Variants in RPH3AL observed in about 807,000 individuals in gnomAD.
RPH3AL encodes the protein rab effector Noc2.
RPH3AL carries 38 observed loss-of-function variants against 43.1 expected under a neutral mutation model. The ratio of observed to expected loss-of-function variants is 0.88; its 90% CI spans 0.68 to 1.15. The LOEUF (loss-of-function observed/expected upper bound fraction) is 1.15, where lower values mean the gene tolerates loss of function less well. RPH3AL is among the 50% of genes most tolerant of loss of function. RPH3AL has a pLI of 0.00. For missense variants in RPH3AL, 462 were observed against 423.2 expected, an observed-to-expected ratio of 1.09 and a Z score of -0.81; for synonymous variants, 189 against 176.3, an observed-to-expected ratio of 1.07 and a Z score of -0.57.
chr17:262,567 A>C (rs1453072547), intron 6 of RPH3AL, among the ~76,000 whole-genome samples: 1 of 151,924 alleles, frequency 6.6e-6, no homozygotes, highest in Admixed American at 6.6e-5. Context: ...GCTCACGCTC[A>C]TAATCCCAAC....
At chr17:334,982 T>C (rs1439680929) in intron 1 of RPH3AL, among the ~76,000 whole-genome samples, 1 of 152,138 alleles carries the variant, frequency 6.6e-6, no homozygotes, top group Non-Finnish European at 1.5e-5. Context: ...ACCTCTTCGA[T>C]CTTGTTTCAG....
At chr17:324,829 A>G (rs7224187) in intron 3 of RPH3AL, among the ~76,000 whole-genome samples, 115,549 of 152,122 alleles carry the variant, frequency 0.76, 44,220 homozygotes, top group Middle Eastern at 0.83. Flanking sequence ...AGGTGCAAGC[A>G]ATTCTCCTGC....
chr17:226,139 G>A (rs1042882487), intron 7 of RPH3AL, among the ~76,000 whole-genome samples: 12 of 152,228 alleles, frequency 7.9e-5, no homozygotes, highest in African/African-American at 2.9e-4. Flanking sequence ...TGTGCACAAG[G>A]ATTCACAAAA....
In RPH3AL at chr17:328,987, G is replaced by A. The variant is rs1303638871; in HGVS notation, c.-36-1408C>T. Reference sequence around the variant, plus strand: ...GTTGTCAGGGGTTGCAGGAAGAGGGGAACAGACTCCCAGTGGGTTCAGGAC... The same window carrying A: ...GTTGTCAGGGGTTGCAGGAAGAGGGAAACAGACTCCCAGTGGGTTCAGGAC... On this transcript the variant is annotated intron_variant, in intron 2 of 9. Transcript: ENST00000331302. This position sits in a 1 kb window ranked among gnomAD's most constrained non-coding sequence, Gnocchi z 4.2. Among the ~76,000 whole-genome samples, 1 of 152,136 alleles carries A rather than the reference G, an allele frequency of 6.6e-6. No homozygotes were observed. Among genetic ancestry groups the A allele is most frequent in the Non-Finnish European group, 1.5e-5 (1 of 68,024 alleles).
intron 5 of RPH3AL, among the ~76,000 whole-genome samples, chr17:317,485 C>T (rs140920629): frequency 0.014 from 2,061 of 149,644 alleles, 42 homozygotes; most frequent in African/African-American, 0.049. Flanking sequence ...CTGTGCTCCA[C>T]ACCTCCATTG....
chr17:299,512 C>T (rs1172577864), intron 5 of RPH3AL, among the ~76,000 whole-genome samples: 1 of 152,218 alleles, frequency 6.6e-6, no homozygotes, highest in Non-Finnish European at 1.5e-5. Flanking sequence ...TCAGCTTCCC[C>T]ATCAGCAGAA....
intron 8 of RPH3AL, 122 bp downstream of exon 8, chr17:219,501 A>C: frequency 1.5e-5 from 7 of 458,116 alleles, no homozygotes; most frequent in Non-Finnish European, 1.5e-5. Context: ...CCGGCCTAAT[A>C]GTTTCATTTC....
intron 3 of RPH3AL, among the ~76,000 whole-genome samples, chr17:324,334 G>T (rs1017614445): frequency 6.6e-6 from 1 of 152,138 alleles, no homozygotes; most frequent in African/African-American, 2.4e-5. Context: ...CTCACCTGCT[G>T]CCAGGCCAGG....
chr17:297,553 C>T (rs140267279), intron 5 of RPH3AL, among the ~76,000 whole-genome samples: 74 of 152,278 alleles, frequency 4.9e-4, no homozygotes, highest in Admixed American at 7.8e-4. Context: ...GCGGATCGGG[C>T]GTGGGTGGGA....
chr17:343,285 G>A (rs1036388813), intron 1 of RPH3AL, among the ~76,000 whole-genome samples: 4 of 152,146 alleles, frequency 2.6e-5, no homozygotes, highest in African/African-American at 7.2e-5. Flanking sequence ...CAGTCTCTAC[G>A]TAAACACATT....
At chr17:313,660 T>A (rs2151659030) in intron 5 of RPH3AL, among the ~76,000 whole-genome samples, 1 of 152,308 alleles carries the variant, frequency 6.6e-6, no homozygotes, top group African/African-American at 2.4e-5. Context: ...TATTCATTTG[T>A]CTTCTCTATG....
At chr17:261,511 G>A (rs1163736581) in intron 6 of RPH3AL, among the ~76,000 whole-genome samples, 1 of 152,170 alleles carries the variant, frequency 6.6e-6, no homozygotes, top group African/African-American at 2.4e-5. Context: ...AATTCCCACT[G>A]TTTACACCAC....
intron 1 of RPH3AL, among the ~76,000 whole-genome samples, chr17:350,477 GGT>G (rs2045331228): frequency 6.6e-6 from 1 of 152,152 alleles, no homozygotes; most frequent in African/African-American, 2.4e-5. Flanking sequence ...TGGGCATGGT[GGT>G]GCATGCCTGT....
intron 1 of RPH3AL, chr17:341,554 G>C (rs913865499): frequency 4.6e-5 from 7 of 152,120 alleles, no homozygotes; most frequent in Non-Finnish European, 2.9e-5. Flanking sequence ...ATTCGTATAA[G>C]GAATGTCAGG....
rs553743408 is a variant in RPH3AL, at chr17:346,732, A to T, written c.-213+5980T>A. Among the ~76,000 whole-genome samples the T allele has an allele frequency of 2.2e-4, 30 of 136,112 alleles. 5 individuals carry two copies. The highest frequency in any genetic ancestry group is 4.0e-3 in the Middle Eastern group (1 of 248). The allele number at this position is 136,112 out of a possible 152,430, so 89.3% of individuals were successfully genotyped here. On this transcript the variant is annotated intron_variant, in intron 1 of 9. Coordinates refer to ENST00000331302, the MANE Select transcript of RPH3AL (RefSeq NM_006987.4). Reference sequence around the variant, plus strand: ...AGAGACAATAAATAAGATTATAAATAGAAAAACACTATTTTGTAAAATATA... The same window carrying T: ...AGAGACAATAAATAAGATTATAAATTGAAAAACACTATTTTGTAAAATATA...
At chr17:304,280 C>T (rs2043406836) in intron 5 of RPH3AL, among the ~76,000 whole-genome samples, 1 of 151,902 alleles carries the variant, frequency 6.6e-6, no homozygotes, top group Admixed American at 6.6e-5. Flanking sequence ...GCAACCGCCC[C>T]CGAGATAGGT....
At chr17:351,771 A>C (rs1036789826) in intron 1 of RPH3AL, among the ~76,000 whole-genome samples, 1 of 152,186 alleles carries the variant, frequency 6.6e-6, no homozygotes, top group Non-Finnish European at 1.5e-5. Context: ...AAATAGAAAA[A>C]CCATGCCATA....
At chr17:227,370 G>A (rs1013954559) in intron 7 of RPH3AL, among the ~76,000 whole-genome samples, 1 of 150,208 alleles carries the variant, frequency 6.7e-6, no homozygotes, top group African/African-American at 2.4e-5. Context: ...TTTCTTGACT[G>A]CCTCAAAGGA....
intron 6 of RPH3AL, among the ~76,000 whole-genome samples, chr17:257,194 G>A (rs1555544627): frequency 4.4e-5 from 2 of 44,952 alleles, no homozygotes; most frequent in African/African-American, 6.6e-5. Context: ...GAGGGGAGCC[G>A]CACGGTGTCT....
Sources: gnomAD v4.1 joint callset for allele counts (sites outside exome capture counted in the v4.1 genomes callset) on GRCh38, gnomAD v4.1.1 for gene constraint, Gnocchi (gnomAD v3.1) non-coding constraint, MANE v1.5 for transcripts, NCBI Gene and HGNC (gene_info 2026-07-23, HGNC 2026-07-21) for gene names.